Variants in TMEFF2 observed in about 807,000 individuals in gnomAD.
TMEFF2 encodes the protein transmembrane protein with EGF like and two follistatin like domains 2.
A neutral mutation model predicts 53.8 loss-of-function variants in TMEFF2; 28 were observed. The observed-to-expected ratio is 0.52, with a 90% CI of 0.39 to 0.71. The LOEUF (loss-of-function observed/expected upper bound fraction) is 0.71, where lower values mean the gene tolerates loss of function less well. Ranked by LOEUF, TMEFF2 falls within the 30% of genes least tolerant of loss-of-function variation. TMEFF2 has a pLI of 0.00. For missense variants in TMEFF2, 353 were observed against 455.2 expected, an observed-to-expected ratio of 0.78 and a Z score of 2.04; for synonymous variants, 162 against 166.3, an observed-to-expected ratio of 0.97 and a Z score of 0.20.
At chr2:192,001,842 G>C (rs1477468130) in intron 5 of TMEFF2, among the ~76,000 whole-genome samples, 2 of 152,092 alleles carry the variant, frequency 1.3e-5, no homozygotes, top group East Asian at 3.8e-4. Flanking sequence ...AAATTGCCCA[G>C]TCTTGGGTAT....
intron 8 of TMEFF2, among the ~76,000 whole-genome samples, chr2:191,955,854 G>C (rs1692067676): frequency 6.6e-6 from 1 of 152,068 alleles, no homozygotes; most frequent in Non-Finnish European, 1.5e-5. Flanking sequence ...GATGAACTCT[G>C]AGAAGCAACT....
At chr2:192,140,578 CA>C (rs1690113571) in intron 4 of TMEFF2, among the ~76,000 whole-genome samples, 1 of 151,610 alleles carries the variant, frequency 6.6e-6, no homozygotes, top group Admixed American at 6.6e-5. Flanking sequence ...AGAATGGAGC[CA>C]TATAAAAAAA....
At chr2:192,089,584 C>T (rs888119424) in intron 4 of TMEFF2, among the ~76,000 whole-genome samples, 3 of 151,926 alleles carry the variant, frequency 2.0e-5, no homozygotes, top group African/African-American at 4.8e-5. Flanking sequence ...TTCGTGAGAA[C>T]AGCATCTGCG....
At chr2:192,082,229 A>T (rs1221763312) in intron 4 of TMEFF2, among the ~76,000 whole-genome samples, 1 of 152,160 alleles carries the variant, frequency 6.6e-6, no homozygotes, top group East Asian at 1.9e-4. Flanking sequence ...AAATCAAGGA[A>T]TGTTAAAACC....
intron 5 of TMEFF2, among the ~76,000 whole-genome samples, chr2:192,006,620 C>T (rs140734850): frequency 1.3e-5 from 2 of 152,286 alleles, no homozygotes; most frequent in East Asian, 3.9e-4. Flanking sequence ...GATAATGACT[C>T]AAGACTGTAG....
chr2:192,007,857 A>G lies in TMEFF2; in HGVS notation c.537-8649T>C, dbSNP rs1276799553. ...ACTATATGGAAGAAAAGGAAGAATC[A>G]TTAGGGTTTGGTGGCTCGCTACTTA... is the stretch of plus-strand genomic sequence containing the variant. On this transcript the variant is annotated intron_variant, in intron 5 of 9. Coordinates refer to ENST00000272771, the MANE Select transcript of TMEFF2 (RefSeq NM_016192.4). Among the ~76,000 whole-genome samples, 6 of 152,166 alleles carry G rather than the reference A, an allele frequency of 3.9e-5. No individual in the cohort carries two copies. In the East Asian group the frequency reaches 7.7e-4, roughly 20 times the overall value.
chr2:192,008,221 C>CA (rs1184694425), intron 5 of TMEFF2, among the ~76,000 whole-genome samples: 1 of 152,156 alleles, frequency 6.6e-6, no homozygotes, highest in Non-Finnish European at 1.5e-5. Flanking sequence ...ATGACTGAAA[C>CA]AAAACCACAG....
At chr2:192,182,708 GA>G (rs755425179) in intron 3 of TMEFF2, among the ~76,000 whole-genome samples, 1 of 152,084 alleles carries the variant, frequency 6.6e-6, no homozygotes, top group South Asian at 2.1e-4. Flanking sequence ...GCTATTGTTA[GA>G]AAAGAACAGA....
chr2:192,053,634 A>G (rs562921219), intron 5 of TMEFF2, among the ~76,000 whole-genome samples: 1 of 152,318 alleles, frequency 6.6e-6, no homozygotes, highest in East Asian at 1.9e-4. Flanking sequence ...AATAAGTTGT[A>G]CTCTTTGTTG....
intron 4 of TMEFF2, among the ~76,000 whole-genome samples, chr2:192,124,602 G>A (rs1225254416): frequency 3.3e-5 from 5 of 152,282 alleles, no homozygotes; most frequent in Non-Finnish European, 5.9e-5. Context: ...GGATGGATAA[G>A]ATCAGCAATT....
At chr2:192,050,927 C>T (rs1469302856) in intron 5 of TMEFF2, among the ~76,000 whole-genome samples, 3 of 152,154 alleles carry the variant, frequency 2.0e-5, no homozygotes, top group Non-Finnish European at 4.4e-5. Context: ...AAGATATGTG[C>T]TTCCCTAAGT....
chr2:192,151,824 G>A (rs1024585088), intron 4 of TMEFF2, among the ~76,000 whole-genome samples: 1 of 151,850 alleles, frequency 6.6e-6, no homozygotes, highest in Non-Finnish European at 1.5e-5. Context: ...GCCTACAGGT[G>A]GCAACATAAG....
At chr2:192,139,411 G>A (rs578212546) in intron 4 of TMEFF2, among the ~76,000 whole-genome samples, 3 of 152,242 alleles carry the variant, frequency 2.0e-5, no homozygotes, top group East Asian at 3.9e-4. Flanking sequence ...GGTAATTGAA[G>A]CACAAAATAA....
intron 7 of TMEFF2, among the ~76,000 whole-genome samples, chr2:191,959,624 A>ATGTGTGTGTG (rs10687431): frequency 6.6e-6 from 1 of 152,126 alleles, no homozygotes; most frequent in Non-Finnish European, 1.5e-5. Context: ...CAGTATGTAC[A>ATGTGTGTGTG]TGTGTGTGTA....
In TMEFF2 at chr2:192,012,306, T is replaced by C. The variant is rs193144707; in HGVS notation, c.537-13098A>G. On this transcript the variant is annotated intron_variant, in intron 5 of 9. Transcript: ENST00000272771. ...AATTCTGTTTAAATAAGTTAGCTTA[T>C]AGTTGATTACAATTTAAAATCACTG... Among the ~76,000 whole-genome samples, 254 of 152,364 alleles carry C rather than the reference T, an allele frequency of 1.7e-3. 1 individual carries two copies. The highest frequency in any genetic ancestry group is 3.4e-3 in the Middle Eastern group (1 of 294).
At chr2:192,116,610 T>C (rs1244761928) in intron 4 of TMEFF2, among the ~76,000 whole-genome samples, 1 of 152,090 alleles carries the variant, frequency 6.6e-6, no homozygotes, top group Non-Finnish European at 1.5e-5. Flanking sequence ...GGAAATAATT[T>C]TGTAGTTTTG....
At chr2:192,168,713 G>T (rs1174395891) in intron 4 of TMEFF2, among the ~76,000 whole-genome samples, 1 of 151,976 alleles carries the variant, frequency 6.6e-6, no homozygotes, top group African/African-American at 2.4e-5. Flanking sequence ...AGTTATTTTA[G>T]TACACAAAAC....
At chr2:192,055,546 G>C (rs907700010) in intron 5 of TMEFF2, among the ~76,000 whole-genome samples, 2 of 151,830 alleles carry the variant, frequency 1.3e-5, no homozygotes, top group African/African-American at 4.8e-5. Flanking sequence ...AGGCCGAGGC[G>C]GGCAAATCAC....
intron 5 of TMEFF2, among the ~76,000 whole-genome samples, chr2:192,036,531 A>C (rs1687297090): frequency 2.0e-5 from 3 of 152,190 alleles, no homozygotes; most frequent in Admixed American, 1.3e-4. Context: ...GAATCATATA[A>C]CTCCTGAATA....
Sources: allele counts gnomAD v4.1 joint callset (sites outside exome capture counted in the v4.1 genomes callset), GRCh38; gene constraint gnomAD v4.1.1; transcripts MANE v1.5; gene names NCBI Gene and HGNC (gene_info 2026-07-23, HGNC 2026-07-21).